Variants in MAGEB3 observed in about 807,000 individuals in gnomAD.
The protein encoded by MAGEB3 is MAGE family member B3.
For missense variants in MAGEB3, 191 were observed against 262.4 expected (o/e 0.73, Z 1.88); for synonymous variants, 91 against 93.0 (o/e 0.98, Z 0.12).
intron 4 of MAGEB3, among the ~76,000 whole-genome samples, chrX:30,233,999 C>T (rs184935668): frequency 1.8e-5 from 2 of 112,460 alleles, no homozygotes; most frequent in East Asian, 2.8e-4. Context: ...CCAGTAGGGG[C>T]GTCAACAGAA....
Position 30,236,281 on chromosome X carries a change from G to A in MAGEB3, c.357G>A (p.Val119=). 1 of 1,208,064 alleles carries A rather than the reference G, an allele frequency of 8.3e-7. No individual in the cohort carries two copies. Among genetic ancestry groups the A allele is most frequent in the Non-Finnish European group, 1.1e-6 (1 of 893,630 alleles). ...TAATCATGAAGACAAATATGTTGGT[G>A]CAGTTCCTGATGGAAATGTACAAGA... The part of the protein sequence containing the change: ...DPLIMKTNML[V]QFLMEMYKMK... Residue 119 remains valine, a synonymous_variant, in exon 5 of 5, where the codon GTG becomes GTA. Coordinates refer to ENST00000361644, the MANE Select transcript of MAGEB3 (RefSeq NM_002365.5).
intron 2 of MAGEB3, among the ~76,000 whole-genome samples, chrX:30,232,621 A>G (rs1284893867): frequency 9.8e-6 from 1 of 102,439 alleles, no homozygotes; most frequent in Non-Finnish European, 2.0e-5. Flanking sequence ...ACACTGTCTC[A>G]AATTAGCCGG....
At position 30,236,786 on chromosome X, in the gene MAGEB3, G is replaced by A. The variant is rs143379520; in HGVS notation, c.862G>A (p.Val288Ile). Residue 288 changes from valine (V) to isoleucine (I), a missense_variant, in exon 5 of 5, where the codon GTC (valine) becomes ATC (isoleucine). Coordinates refer to ENST00000361644, the MANE Select transcript of MAGEB3 (RefSeq NM_002365.5). ...RAHAETSKMK[V>I]LEFWAKVNKT... ...CCATGCTGAAACCAGCAAGATGAAG[G>A]TCCTGGAGTTTTGGGCCAAGGTCAA... 8.3e-7 allele frequency: 1 copy of A among 1,211,992 alleles called. No individual in the cohort carries two copies. The highest frequency in any genetic ancestry group is 1.1e-6 in the Non-Finnish European group (1 of 895,613).
At position 30,233,968 on chromosome X, in the gene MAGEB3, G is replaced by T. The variant is rs1924906019; in HGVS notation, c.-62+605G>T. On this transcript the variant is annotated intron_variant, in intron 4 of 4. Coordinates refer to ENST00000361644, the MANE Select transcript of MAGEB3 (RefSeq NM_002365.5). Reference sequence around the variant, plus strand: ...TGGAGCCAAGGTGAAGTCTCCGAGTGCTAAAGGATGGGATCTGTTCCCAGT... The same window carrying T: ...TGGAGCCAAGGTGAAGTCTCCGAGTTCTAAAGGATGGGATCTGTTCCCAGT... 2.7e-5 allele frequency among the ~76,000 whole-genome samples: 3 copies of T among 112,469 alleles called. No individual in the cohort carries two copies. The Admixed American group carries it at 2.8e-4, about 11-fold the overall frequency.
intron 4 of MAGEB3, among the ~76,000 whole-genome samples, chrX:30,234,940 C>T (rs1409854455): frequency 9.0e-6 from 1 of 111,621 alleles, no homozygotes; most frequent in African/African-American, 3.3e-5. Context: ...CTAAAGGGAA[C>T]ACTCTCTCTA....
At chrX:30,231,676 CAAAAAAAAAAA>C (rs747591707) in intron 2 of MAGEB3, 58 bp downstream of exon 2, 2 of 28,085 alleles carry the variant, frequency 7.1e-5, no homozygotes, top group East Asian at 5.1e-3. Context: ...GCCCCTGTCA[CAAAAAAAAAAA>C]AAAAAAAAAA....
intron 4 of MAGEB3, 72 bp downstream of exon 4, chrX:30,233,435 A>G (rs1182054775): frequency 2.2e-5 from 2 of 91,126 alleles, no homozygotes; most frequent in African/African-American, 8.0e-5. Flanking sequence ...AAAAAAAAAA[A>G]AAAAGAAAGA....
At chrX:30,234,580 G>A (rs181596859) in intron 4 of MAGEB3, among the ~76,000 whole-genome samples, 20 of 111,068 alleles carry the variant, frequency 1.8e-4, no homozygotes, top group Admixed American at 1.6e-3. Flanking sequence ...AGTCTTCCCT[G>A]GGAATACCTT....
Position 30,235,855 on chromosome X carries a change from C to T in MAGEB3, c.-61-9C>T. 1.2e-6 allele frequency: 1 copy of T among 822,203 alleles called. No homozygotes were observed. Among genetic ancestry groups the T allele is most frequent in the South Asian group, 2.5e-5 (1 of 40,261 alleles). The allele number at this position is 822,203 out of a possible 1,213,427, so 67.8% of individuals were successfully genotyped here. The stretch of plus-strand genomic sequence containing the variant: ...GCACTCATACCCTCTCTTTCTCTCT[C>T]TCCTCCAGGTGCCTGTATCACCTGC... On this transcript the variant is annotated splice_polypyrimidine_tract_variant and intron_variant, in intron 4 of 4. Coordinates refer to ENST00000361644, the MANE Select transcript of MAGEB3 (RefSeq NM_002365.5).
At chrX:30,231,723 T>C (rs1461841604) in intron 2 of MAGEB3, 105 bp downstream of exon 2, 2 of 46,664 alleles carry the variant, frequency 4.3e-5, no homozygotes, top group East Asian at 5.8e-4. Context: ...AAGAAAGAAA[T>C]ATGAGGCCCA....
Position 30,236,093 on chromosome X carries a change from A to G in MAGEB3, c.169A>G (p.Arg57Gly). The part of the protein sequence containing the change: ...GATIQKKSAG[R>G]SRSALKKPQR... ...TACTATCCAGAAAAAGTCTGCTGGTAGGTCACGTAGTGCTCTCAAGAAGCC... is the reference window on the plus strand; with the variant it reads ...TACTATCCAGAAAAAGTCTGCTGGTGGGTCACGTAGTGCTCTCAAGAAGCC... The change falls in exon 5 of 5, where the codon AGG becomes GGG. Residue 57 changes from arginine to glycine, a missense_variant. Transcript: ENST00000361644. The G allele has an allele frequency of 1.7e-6, 2 of 1,210,367 alleles. No homozygotes were observed. Among genetic ancestry groups the G allele is most frequent in the African/African-American group, 1.7e-5 (1 of 57,792 alleles).
At chrX:30,233,118 T>A (rs1270318240) in intron 3 of MAGEB3, 144 bp from the exon 4 acceptor site, 1 of 107,675 alleles carries the variant, frequency 9.3e-6, no homozygotes, top group African/African-American at 3.4e-5. Flanking sequence ...GGCAGGAGAA[T>A]CCCTTGAACC....
intron 2 of MAGEB3, among the ~76,000 whole-genome samples, chrX:30,231,898 T>C (rs752232097): frequency 9.1e-6 from 1 of 109,295 alleles, no homozygotes; most frequent in East Asian, 2.9e-4. Context: ...CTTCGCTCAG[T>C]AGAGGTGTTA....
In MAGEB3 at chrX:30,235,855, C is replaced by A; in HGVS notation, c.-61-9C>A. The A allele has an allele frequency of 1.2e-6, 1 of 822,201 alleles. No individual in the cohort carries two copies. The highest frequency in any genetic ancestry group is 1.8e-6 in the Non-Finnish European group (1 of 569,301). The allele number at this position is 822,201 out of a possible 1,213,427, so 67.8% of individuals were successfully genotyped here. ...GCACTCATACCCTCTCTTTCTCTCTCTCCTCCAGGTGCCTGTATCACCTGC... is the reference window on the plus strand; with the variant it reads ...GCACTCATACCCTCTCTTTCTCTCTATCCTCCAGGTGCCTGTATCACCTGC... On this transcript the variant is annotated splice_polypyrimidine_tract_variant and intron_variant, in intron 4 of 4. Transcript: ENST00000361644.
At chrX:30,233,816 C>A in intron 4 of MAGEB3, among the ~76,000 whole-genome samples, 1 of 112,031 alleles carries the variant, frequency 8.9e-6, no homozygotes, top group South Asian at 3.8e-4. Context: ...GGGACCCACA[C>A]GTCTCACCCT....
At chrX:30,233,795 C>T (rs1482356455) in intron 4 of MAGEB3, among the ~76,000 whole-genome samples, 2 of 112,058 alleles carry the variant, frequency 1.8e-5, no homozygotes, top group African/African-American at 6.5e-5. Context: ...ACTCCCTGCC[C>T]CTTACAAAAG....
intron 4 of MAGEB3, among the ~76,000 whole-genome samples, chrX:30,235,634 G>A (rs1924953420): frequency 9.0e-6 from 1 of 111,471 alleles, no homozygotes; most frequent in Non-Finnish European, 1.9e-5. Context: ...GACATGCCAC[G>A]GCTGCTCTCA....
Position 30,236,220 on chromosome X carries a change from G to T in MAGEB3, c.296G>T (p.Gly99Val), listed in dbSNP as rs958848531. 3 of 1,208,601 alleles carry T rather than the reference G, an allele frequency of 2.5e-6. No homozygotes were observed. The highest frequency in any genetic ancestry group is 3.4e-6 in the Non-Finnish European group (3 of 894,601). The part of the protein sequence containing the change: ...KIEKKQSFSQ[G>V]LSSTVQSRTD... ...GAGAAAAAGCAAAGCTTCTCTCAGG[G>T]TCTATCCTCCACTGTGCAGTCTCGC... The change falls in exon 5 of 5, where the codon GGT becomes GTT. Residue 99 changes from glycine (G) to valine (V), a missense_variant. Coordinates refer to ENST00000361644, the MANE Select transcript of MAGEB3 (RefSeq NM_002365.5).
rs193281834 is a variant in MAGEB3 at position 30,237,227 on chromosome X, T to C, written c.*262T>C. On this transcript the variant is annotated 3_prime_UTR_variant, in exon 5 of 5. Coordinates refer to ENST00000361644, the MANE Select transcript of MAGEB3 (RefSeq NM_002365.5). ...AAATTTTGCTGTTTTGTAAAACAGATTGAGAAAAATTCGATCTTATTTAGT... is the reference window on the plus strand; with the variant it reads ...AAATTTTGCTGTTTTGTAAAACAGACTGAGAAAAATTCGATCTTATTTAGT... 5 of 283,006 alleles carry C rather than the reference T, an allele frequency of 1.8e-5. No homozygotes were observed. Among genetic ancestry groups the C allele is most frequent in the Non-Finnish European group, 3.2e-5 (5 of 155,391 alleles). The allele number at this position is 283,006 out of a possible 1,213,427, so 23.3% of individuals were successfully genotyped here.
Sources: allele counts gnomAD v4.1 joint callset (sites outside exome capture counted in the v4.1 genomes callset), GRCh38; gene constraint gnomAD v4.1.1; transcripts MANE v1.5; gene names NCBI Gene and HGNC (gene_info 2026-07-23, HGNC 2026-07-21).